The following SAMD5 variants were observed in gnomAD, a reference collection of about 807,000 sequenced individuals.
SAMD5 encodes the protein sterile alpha motif domain containing 5.
In SAMD5, 13 loss-of-function variants were observed where a neutral mutation model predicts 11.3. The observed-to-expected ratio is 1.15, with a 90% CI of 0.75 to 1.83. SAMD5 has a LOEUF of 1.83. SAMD5 is among the 40% of genes most tolerant of loss of function. The probability of loss-of-function intolerance (pLI) is 0.00; values close to 1 mark genes in which losing one functional copy is unlikely to be tolerated. For missense variants in SAMD5, 255 were observed against 239.1 expected (o/e 1.07, Z -0.44); for synonymous variants, 129 against 111.3 (o/e 1.16, Z -1.00).
chr6:147,860,686 G>A, the SAMD5 span, among the ~76,000 whole-genome samples: 13 of 152,292 alleles, frequency 8.5e-5, 1 homozygote, highest in South Asian at 2.3e-3. Context: ...GGCTAGATAC[G>A]AGAAGCTTGA....
the SAMD5 span, among the ~76,000 whole-genome samples, chr6:147,882,347 T>C: frequency 6.6e-6 from 1 of 152,338 alleles, no homozygotes; most frequent in East Asian, 1.9e-4. Flanking sequence ...TTAGGAACTT[T>C]GTTAGTTGTA....
chr6:147,781,826 G>C, the SAMD5 span, among the ~76,000 whole-genome samples: 1 of 150,370 alleles, frequency 6.7e-6, no homozygotes, highest in Non-Finnish European at 1.5e-5. Flanking sequence ...TGGAAATAGG[G>C]CCACCATTTA....
chr6:147,593,448 C>T (rs1014319599), intron 1 of SAMD5, among the ~76,000 whole-genome samples: 3 of 152,058 alleles, frequency 2.0e-5, no homozygotes, highest in African/African-American at 4.8e-5. Flanking sequence ...AAAAAGTCAC[C>T]GATTTAATAG....
chr6:147,857,854 C>CCACTGCCCTTA, the SAMD5 span, among the ~76,000 whole-genome samples: 1 of 152,164 alleles, frequency 6.6e-6, no homozygotes, highest in African/African-American at 2.4e-5. Flanking sequence ...TTTTTGGATA[C>CCACTGCCCTTA]CACTGCCCTT....
chr6:147,870,147 T>C, the SAMD5 span, among the ~76,000 whole-genome samples: 1 of 152,150 alleles, frequency 6.6e-6, no homozygotes, highest in Non-Finnish European at 1.5e-5. Flanking sequence ...CATAGCTCAC[T>C]GTGGCTAGTG....
intron 1 of SAMD5, among the ~76,000 whole-genome samples, chr6:147,593,539 A>G (rs1222981388): frequency 6.6e-6 from 1 of 152,176 alleles, no homozygotes; most frequent in African/African-American, 2.4e-5. Flanking sequence ...ATAGTAACCA[A>G]TGCCCCAGCT....
At chr6:147,792,237 T>C in the SAMD5 span, among the ~76,000 whole-genome samples, 2 of 152,166 alleles carry the variant, frequency 1.3e-5, no homozygotes, top group Non-Finnish European at 2.9e-5. Flanking sequence ...AAAGTAACTG[T>C]ACATAAGCAT....
chr6:147,843,771 T>G, the SAMD5 span, among the ~76,000 whole-genome samples: 4 of 152,292 alleles, frequency 2.6e-5, no homozygotes, highest in Non-Finnish European at 4.4e-5. Context: ...TAAATAGTGT[T>G]GGGAAAACTA....
At chr6:147,922,218 C>T in the SAMD5 span, among the ~76,000 whole-genome samples, 971 of 152,268 alleles carry the variant, frequency 6.4e-3, 11 homozygotes, top group South Asian at 0.011. Flanking sequence ...CTTGCTGCTT[C>T]CCTCACTACA....
At chr6:147,810,694 C>T in the SAMD5 span, among the ~76,000 whole-genome samples, 1 of 152,176 alleles carries the variant, frequency 6.6e-6, no homozygotes, top group Non-Finnish European at 1.5e-5. Context: ...TTCGGTAGCG[C>T]TGGCAACAGG....
chr6:147,604,180 C>T (rs1172771304), intron 1 of SAMD5, among the ~76,000 whole-genome samples: 2 of 150,410 alleles, frequency 1.3e-5, no homozygotes, highest in Non-Finnish European at 2.9e-5. Context: ...GCCAGACTGA[C>T]AAGATTACTT....
At chr6:147,836,057 G>A in the SAMD5 span, among the ~76,000 whole-genome samples, 7 of 152,210 alleles carry the variant, frequency 4.6e-5, no homozygotes, top group Admixed American at 4.6e-4. Context: ...ACAAAGAGTG[G>A]TTTCTATTTC....
At chr6:147,876,794 G>A in the SAMD5 span, among the ~76,000 whole-genome samples, 1 of 152,144 alleles carries the variant, frequency 6.6e-6, no homozygotes, top group South Asian at 2.1e-4. Context: ...ATTAGAAAAT[G>A]GAATATTTTA....
At chr6:147,727,513 G>T (rs538864666) in intron 1 of SAMD5, among the ~76,000 whole-genome samples, 1 of 152,068 alleles carries the variant, frequency 6.6e-6, no homozygotes, top group Admixed American at 6.5e-5. Flanking sequence ...TTTTTTCAGG[G>T]TTCAGCACAA....
chr6:147,661,696 C>T (rs1790650282), intron 1 of SAMD5, among the ~76,000 whole-genome samples: 2 of 152,146 alleles, frequency 1.3e-5, no homozygotes, highest in Non-Finnish European at 2.9e-5. Context: ...GTGGTGCTGT[C>T]TCTGTTCACT....
the SAMD5 span, among the ~76,000 whole-genome samples, chr6:147,863,265 T>C: frequency 2.7e-4 from 41 of 152,258 alleles, no homozygotes; most frequent in South Asian, 2.1e-3. Context: ...GAGGTCTAAG[T>C]TTACACAGGC....
At chr6:147,786,906 T>A in the SAMD5 span, among the ~76,000 whole-genome samples, 1 of 152,230 alleles carries the variant, frequency 6.6e-6, no homozygotes, top group African/African-American at 2.4e-5. Flanking sequence ...TGCAGTCACA[T>A]TGACTTCTTA....
At chr6:147,639,259 T>G (rs536540551) in intron 1 of SAMD5, among the ~76,000 whole-genome samples, 1 of 152,168 alleles carries the variant, frequency 6.6e-6, no homozygotes, top group African/African-American at 2.4e-5. Flanking sequence ...TAAGAAAATA[T>G]AAAAGAACAA....
the SAMD5 span, among the ~76,000 whole-genome samples, chr6:147,926,798 T>A: frequency 6.6e-6 from 1 of 152,166 alleles, no homozygotes; most frequent in Admixed American, 6.5e-5. Flanking sequence ...CAGGTTTTTA[T>A]AGTTTGGATT....
Sources: gnomAD v4.1 joint callset for allele counts (sites outside exome capture counted in the v4.1 genomes callset) on GRCh38, gnomAD v4.1.1 for gene constraint, MANE v1.5 for transcripts, NCBI Gene and HGNC (gene_info 2026-07-23, HGNC 2026-07-21) for gene names.